ZNF629: variants seen among roughly 807,000 people sequenced by gnomAD.
ZNF629 encodes the protein zinc finger protein 629, also known as DNA-binding protein.
Under a neutral mutation model 59.7 loss-of-function variants are expected in ZNF629, and 9 were observed. That is an observed-to-expected ratio of 0.15 (90% CI 0.09 to 0.26). The LOEUF (loss-of-function observed/expected upper bound fraction) is 0.26. ZNF629 is among the 10% of genes least tolerant of loss of function. The pLI is 1.00. For synonymous variants in ZNF629, 509 were observed against 498.9 expected (o/e 1.02, Z -0.27); for missense variants, 853 against 1,165.4 (o/e 0.73, Z 3.90).
In ZNF629 at chr16:30,782,074, A is replaced by T; in HGVS notation, c.2254T>A (p.Ser752Thr). ...CTGAGATGCTCCAGGAGGACGGAAGAGCTCTTCCCCAGCTCTGGACTCTTC... is the reference window on the plus strand; with the variant it reads ...CTGAGATGCTCCAGGAGGACGGAAGTGCTCTTCCCCAGCTCTGGACTCTTC... ...SQKSPELGKS[S>T]SVLLEHLRSP... Residue 752 changes from serine to threonine, a missense_variant, in exon 3 of 3, where the codon TCT (serine) becomes ACT (threonine). Transcript: ENST00000262525. 1 of 1,577,822 alleles carries T rather than the reference A, an allele frequency of 6.3e-7. No individual in the cohort carries two copies.
intron 2 of ZNF629, 42 bp downstream of exon 2, chr16:30,784,368 C>A (rs1256335294): frequency 1.3e-6 from 2 of 1,546,842 alleles, no homozygotes; most frequent in East Asian, 4.8e-5. Flanking sequence ...GAGCCGGGAC[C>A]ACCGTCTTGC....
At position 30,783,455 on chromosome 16, in the gene ZNF629, C is replaced by G; in HGVS notation, c.873G>C (p.Lys291Asn). The G allele has an allele frequency of 6.2e-7, 1 of 1,613,788 alleles. No individual in the cohort carries two copies. Among genetic ancestry groups the G allele is most frequent in the Non-Finnish European group, 8.5e-7 (1 of 1,179,884 alleles). Residue 291 changes from lysine to asparagine, a missense_variant, in exon 3 of 3, where the codon AAG becomes AAC. Around this residue, in one of 3 missense-constraint regions of ZNF629, gnomAD observed 201 missense variants for 536.5 expected, o/e 0.37. Transcript: ENST00000262525. ...CGAAGCGCTTCCCGCACTCGGGGCA[C>G]TTGTAGGGTTTCTCGCCTGTGTGGG... ...QATHTGEKPYKCPECGKRFGQ... is the reference protein window; with the variant it reads ...QATHTGEKPYNCPECGKRFGQ...
rs748667104 is a variant in ZNF629 at position 30,784,224 on chromosome 16, G to T, written c.104C>A (p.Pro35His). Residue 35 changes from proline to histidine, a missense_variant, in exon 3 of 3, where the codon CCT becomes CAT. Transcript: ENST00000262525. Reference sequence around the variant, plus strand: ...CTCCTCCCCAGAACTTTCCTGCCGAGGGCTCTCCTCTTCGTTTTCACTCTC... The same window carrying T: ...CTCCTCCCCAGAACTTTCCTGCCGATGGCTCTCCTCTTCGTTTTCACTCTC... Reference protein sequence around the residue: ...GAESENEEESPRQESSGEEII... With the variant: ...GAESENEEESHRQESSGEEII... 4.4e-6 allele frequency: 7 copies of T among 1,605,930 alleles called. No homozygotes were observed. Among genetic ancestry groups the T allele is most frequent in the Non-Finnish European group, 5.9e-6 (7 of 1,178,296 alleles).
chr16:30,785,393 C>T (rs1309564939), intron 1 of ZNF629, among the ~76,000 whole-genome samples: 11 of 152,196 alleles, frequency 7.2e-5, no homozygotes, highest in African/African-American at 2.4e-4. Context: ...TGGCTCACCC[C>T]TGTCTCTGAG....
Position 30,782,185 on chromosome 16 carries a change from T to C in ZNF629, c.2143A>G (p.Lys715Glu), listed in dbSNP as rs1291903808. ...PSPFLSGKPF[K>E]CPECKQSFGL... is the part of the protein sequence containing the mutation. ...AAGCTTTGTTTGCATTCAGGGCATTTAAAGGGCTTCCCACTTAAGAAGGGG... is the reference window on the plus strand; with the variant it reads ...AAGCTTTGTTTGCATTCAGGGCATTCAAAGGGCTTCCCACTTAAGAAGGGG... Residue 715 changes from lysine (K) to glutamate (E), a missense_variant, in exon 3 of 3, where the codon AAA becomes GAA. This residue lies in a region of ZNF629 where 420 missense variants were observed against 435.6 expected (regional missense o/e 0.96). Transcript: ENST00000262525. The C allele has an allele frequency of 2.5e-6, 4 of 1,613,460 alleles. No individual in the cohort carries two copies. The highest frequency in any genetic ancestry group is 3.4e-6 in the Non-Finnish European group (4 of 1,179,868).
chr16:30,782,744 C>T lies in ZNF629; in HGVS notation c.1584G>A (p.Glu528=). The T allele has an allele frequency of 1.9e-6, 3 of 1,613,438 alleles. No individual in the cohort carries two copies. Among genetic ancestry groups the T allele is most frequent in the Non-Finnish European group, 2.5e-6 (3 of 1,179,882 alleles). ...DCGKAFLEAH[E]LEQHRVIHER... is the part of the protein sequence containing the mutation. The stretch of plus-strand genomic sequence containing the variant: ...CATGGATCACCCGGTGCTGCTCCAG[C>T]TCGTGGGCTTCCAGGAAGGCCTTCC... Residue 528 remains glutamate, a synonymous_variant, in exon 3 of 3, where the codon GAG becomes GAA. Coordinates refer to ENST00000262525, the MANE Select transcript of ZNF629 (RefSeq NM_001080417.3).
Position 30,781,027 on chromosome 16 carries a change from G to A in ZNF629, c.*691C>T, listed in dbSNP as rs899546199. 3 of 152,160 alleles carry A rather than the reference G, an allele frequency of 2.0e-5. No individual in the cohort carries two copies. The highest frequency in any genetic ancestry group is 7.2e-5 in the African/African-American group (3 of 41,424). The allele number at this position is 152,160 out of a possible 1,614,324, so 9.4% of individuals were successfully genotyped here. On this transcript the variant is annotated 3_prime_UTR_variant, in exon 3 of 3. Coordinates refer to ENST00000262525, the MANE Select transcript of ZNF629 (RefSeq NM_001080417.3). ...GGCCTCTTTCCCTAAAACACACAATGCATCTAACATTGTCCTCAAACCCCA... is the reference window on the plus strand; with the variant it reads ...GGCCTCTTTCCCTAAAACACACAATACATCTAACATTGTCCTCAAACCCCA...
Position 30,784,197 on chromosome 16 carries a change from A to T in ZNF629, c.131T>A (p.Ile44Asn). ...ACTCTGAGCCGGGTCTCCCATGATG[A>T]TCTCCTCCCCAGAACTTTCCTGCCG... The part of the protein sequence containing the change: ...SPRQESSGEE[I>N]IMGDPAQSPE... The change falls in exon 3 of 3, where the codon ATC (isoleucine) becomes AAC (asparagine). Residue 44 changes from isoleucine (I) to asparagine (N), a missense_variant. Around this residue, in one of 3 missense-constraint regions of ZNF629, gnomAD observed 232 missense variants for 193.4 expected, o/e 1.20. Transcript: ENST00000262525. 2 of 1,608,756 alleles carry T rather than the reference A, an allele frequency of 1.2e-6. No individual in the cohort carries two copies. The highest frequency in any genetic ancestry group is 1.7e-6 in the Non-Finnish European group (2 of 1,178,830).
intron 2 of ZNF629, 65 bp from the exon 3 acceptor site, chr16:30,784,319 C>T (rs1426922552): frequency 1.9e-6 from 3 of 1,551,144 alleles, no homozygotes; most frequent in African/African-American, 2.7e-5. Context: ...GGTCTCTCTT[C>T]CCTCCCCCGG....
At position 30,780,303 on chromosome 16, in the gene ZNF629, G is replaced by GT. The variant is rs1165539253; in HGVS notation, c.*1414dup. On this transcript the variant is annotated 3_prime_UTR_variant, in exon 3 of 3. Coordinates refer to ENST00000262525, the MANE Select transcript of ZNF629 (RefSeq NM_001080417.3). The stretch of plus-strand genomic sequence containing the variant: ...GGACCTGTGGCTCAGTCTGTGGGGT[G>GT]TCTGGATCCCCACCAGGGAGGAGGG... The GT allele has an allele frequency of 2.0e-5, 3 of 152,612 alleles. No homozygotes were observed. The East Asian group carries it at 5.8e-4, about 29-fold the overall frequency. 9.5% of individuals were successfully genotyped at this position (152,612 alleles called of 1,614,324 possible).
chr16:30,783,947 G>C lies in ZNF629; in HGVS notation c.381C>G (p.Val127=). The C allele has an allele frequency of 6.3e-7, 1 of 1,588,360 alleles. No individual in the cohort carries two copies. The highest frequency in any genetic ancestry group is 8.6e-7 in the Non-Finnish European group (1 of 1,167,180). The change falls in exon 3 of 3, where the codon GTC becomes GTG. Residue 127 remains valine (V), a synonymous_variant. Coordinates refer to ENST00000262525, the MANE Select transcript of ZNF629 (RefSeq NM_001080417.3). Reference sequence around the variant, plus strand: ...GCAGGCTGGGCTCGTTGGCGGGGACGACTGGGGGGCTGTTCCATGTGGTGA... The same window carrying C: ...GCAGGCTGGGCTCGTTGGCGGGGACCACTGGGGGGCTGTTCCATGTGGTGA... ...GALTTWNSPP[V]VPANEPSLRE... is the part of the protein sequence containing the mutation.
Position 30,786,837 on chromosome 16 carries a change from G to A in ZNF629, c.-34+191C>T, listed in dbSNP as rs2054337754. Among the ~76,000 whole-genome samples, 1 of 138,320 alleles carries A rather than the reference G, an allele frequency of 7.2e-6. No individual in the cohort carries two copies. The highest frequency in any genetic ancestry group is 1.6e-5 in the Non-Finnish European group (1 of 63,076). 90.7% of individuals were successfully genotyped at this position (138,320 alleles called of 152,430 possible). On this transcript the variant is annotated intron_variant, in intron 1 of 2. Coordinates refer to ENST00000262525, the MANE Select transcript of ZNF629 (RefSeq NM_001080417.3). The surrounding 1 kb of genome is among the most constrained non-coding windows in gnomAD (Gnocchi z 4.8). ...CCCCAGGCTCCCCTCCCCCGCCACC[G>A]ACCCCCGCGCTTCCCAGAATCCTCG...
At position 30,779,904 on chromosome 16, in the gene ZNF629, T is replaced by C. The variant is rs1332185687; in HGVS notation, c.*1814A>G. On this transcript the variant is annotated 3_prime_UTR_variant, in exon 3 of 3. Coordinates refer to ENST00000262525, the MANE Select transcript of ZNF629 (RefSeq NM_001080417.3). ...TCTGACCCAGCGCTGAGCAGAGTCC[T>C]CTCCTTTTGAAGGGGTCTCCAGGAT... The C allele has an allele frequency of 6.6e-6, 1 of 152,294 alleles. No homozygotes were observed. Among genetic ancestry groups the C allele is most frequent in the African/African-American group, 2.4e-5 (1 of 41,446 alleles). The allele number at this position is 152,294 out of a possible 1,614,324, so 9.4% of individuals were successfully genotyped here.
rs1165152774 is a variant in ZNF629 at position 30,779,586 on chromosome 16, C to T, written c.*2132G>A. On this transcript the variant is annotated 3_prime_UTR_variant, in exon 3 of 3. Transcript: ENST00000262525. The stretch of plus-strand genomic sequence containing the variant: ...CATGGTTCTCCGCACAATCCTGAGG[C>T]CTGCCTTCTCCCTCTCCCCAGCAGG... 6.6e-6 allele frequency: 1 copy of T among 152,182 alleles called. No homozygotes were observed. Among genetic ancestry groups the T allele is most frequent in the Non-Finnish European group, 1.5e-5 (1 of 68,040 alleles). 9.4% of individuals were successfully genotyped at this position (152,182 alleles called of 1,614,324 possible). A position where few individuals can be genotyped will look rare whatever the true frequency, so the allele number is the denominator to read the frequency against.
rs1245887069 is a variant in ZNF629, at chr16:30,783,794, G to A, written c.534C>T (p.Asn178=). The change falls in exon 3 of 3, where the codon AAC becomes AAT. Residue 178 remains asparagine, a synonymous_variant. Coordinates refer to ENST00000262525, the MANE Select transcript of ZNF629 (RefSeq NM_001080417.3). The part of the protein sequence containing the change: ...HQRIHTGERP[N]TCSECGKSFT... ...AGCTCTTGCCGCACTCGGAGCAGGT[G>A]TTGGGCCGCTCTCCCGTGTGGATGC... The A allele has an allele frequency of 1.9e-6, 3 of 1,613,492 alleles. No individual in the cohort carries two copies. Among genetic ancestry groups the A allele is most frequent in the African/African-American group, 1.3e-5 (1 of 74,934 alleles).
Position 30,781,557 on chromosome 16 carries a change from T to C in ZNF629, c.*161A>G. 1 of 622,540 alleles carries C rather than the reference T, an allele frequency of 1.6e-6. No individual in the cohort carries two copies. Among genetic ancestry groups the C allele is most frequent in the South Asian group, 3.6e-5 (1 of 27,766 alleles). The allele number at this position is 622,540 out of a possible 1,614,324, so 38.6% of individuals were successfully genotyped here. On this transcript the variant is annotated 3_prime_UTR_variant, in exon 3 of 3. Transcript: ENST00000262525. ...CCCACCAACAATTTTATAGGGTTTC[T>C]CATCACTGATGTAAAAGCACTATTT...
At chr16:30,785,859 A>AAAAATAAATAAATAAAT (rs370561114) in intron 1 of ZNF629, among the ~76,000 whole-genome samples, 3 of 140,078 alleles carry the variant, frequency 2.1e-5, no homozygotes, top group Non-Finnish European at 4.6e-5. Context: ...GCCCCCTGGT[A>AAAAATAAATAAATAAAT]AAATAAATAA....
Position 30,783,171 on chromosome 16 carries a change from C to G in ZNF629, c.1157G>C (p.Ser386Thr). The change falls in exon 3 of 3, where the codon AGC becomes ACC. Residue 386 changes from serine (S) to threonine (T), a missense_variant. Around this residue, in one of 3 missense-constraint regions of ZNF629, gnomAD observed 201 missense variants for 536.5 expected, o/e 0.37. Transcript: ENST00000262525. ...CPVCGKTFTL[S>T]ATLLRHQRTH... ...GCGCTGGTGCCGCAGCAACGTGGCG[C>G]TCAGGGTGAAGGTCTTGCCGCACAC... 1 of 1,613,594 alleles carries G rather than the reference C, an allele frequency of 6.2e-7. No homozygotes were observed. The highest frequency in any genetic ancestry group is 8.5e-7 in the Non-Finnish European group (1 of 1,179,804).
rs1363869662 is a variant in ZNF629, at chr16:30,782,249, A to G, written c.2079T>C (p.Pro693=). The change falls in exon 3 of 3, where the codon CCT becomes CCC. Residue 693 remains proline (P), a synonymous_variant. Coordinates refer to ENST00000262525, the MANE Select transcript of ZNF629 (RefSeq NM_001080417.3). The part of the protein sequence containing the change: ...THGNEKPFLF[P]DYRIGLGEGA... ...CTTCCCCTAGGCCAATTCTATAATC[A>G]GGAAAGAGAAAGGGCTTTTCGTTGC... 1.4e-5 allele frequency: 22 copies of G among 1,613,394 alleles called. No individual in the cohort carries two copies. The highest frequency in any genetic ancestry group is 1.7e-5 in the Admixed American group (1 of 59,960).
Sources: allele counts gnomAD v4.1 joint callset (sites outside exome capture counted in the v4.1 genomes callset), GRCh38; gene constraint gnomAD v4.1.1; regional missense constraint gnomAD v4.1.1; non-coding constraint Gnocchi (gnomAD v3.1); transcripts MANE v1.5; gene names NCBI Gene and HGNC (gene_info 2026-07-23, HGNC 2026-07-21).